VTI1A: variants seen among roughly 807,000 people sequenced by gnomAD.
The protein encoded by VTI1A is vesicle transport through interaction with t-SNAREs homolog 1A.
A neutral mutation model predicts 34.9 loss-of-function variants in VTI1A; 22 were observed. The observed-to-expected ratio is 0.63, with a 90% CI of 0.45 to 0.90. The LOEUF is 0.90. Among genes scored for constraint, VTI1A ranks in the 40% least tolerant of loss-of-function variants. VTI1A has a pLI of 0.00. For missense variants in VTI1A, 268 were observed against 275.6 expected, an observed-to-expected ratio of 0.97 and a Z score of 0.20; for synonymous variants, 87 against 97.3, an observed-to-expected ratio of 0.89 and a Z score of 0.62.
intron 5 of VTI1A, among the ~76,000 whole-genome samples, chr10:112,626,282 G>A (rs972080692): frequency 2.0e-5 from 3 of 152,040 alleles, no homozygotes; most frequent in African/African-American, 7.2e-5. Flanking sequence ...TATGAATTTT[G>A]GGGCAACTGC....
intron 5 of VTI1A, among the ~76,000 whole-genome samples, chr10:112,569,036 T>A (rs1246632560): frequency 6.6e-6 from 1 of 151,844 alleles, no homozygotes; most frequent in African/African-American, 2.4e-5. Flanking sequence ...GCACCTATGG[T>A]CCCAGCTACT....
chr10:112,736,365 A>G (rs1005897929), intron 7 of VTI1A, among the ~76,000 whole-genome samples: 1 of 152,068 alleles, frequency 6.6e-6, no homozygotes, highest in Non-Finnish European at 1.5e-5. Context: ...TGTCTATCTT[A>G]TTCACTAGTC....
chr10:112,672,455 A>T (rs1363217164), intron 7 of VTI1A, among the ~76,000 whole-genome samples: 1 of 152,190 alleles, frequency 6.6e-6, no homozygotes, highest in Non-Finnish European at 1.5e-5. Context: ...CTGACATGTG[A>T]TGGAGAGCCA....
chr10:112,510,082 TAGAC>T (rs1410122305), intron 3 of VTI1A, among the ~76,000 whole-genome samples: 2 of 152,198 alleles, frequency 1.3e-5, no homozygotes, highest in African/African-American at 4.8e-5. Flanking sequence ...CAGTCAAAAT[TAGAC>T]AGATCAGCAA....
chr10:112,654,977 A>G (rs1847175036), intron 5 of VTI1A, among the ~76,000 whole-genome samples: 1 of 152,186 alleles, frequency 6.6e-6, no homozygotes, highest in Non-Finnish European at 1.5e-5. Flanking sequence ...TGTGAATAAA[A>G]CTTTATTTAC....
rs1030428271 is a variant in VTI1A, at chr10:112,724,022, T to C, written c.560+55024T>C. ...TCAAGAACTTATATGAGAAACTTTT[T>C]TCCCTTTTTCTCCTACAAGCATTTA... is the stretch of plus-strand genomic sequence containing the variant. On this transcript the variant is annotated intron_variant, in intron 7 of 7. Transcript: ENST00000393077. Among the ~76,000 whole-genome samples the C allele has an allele frequency of 2.6e-5, 4 of 152,352 alleles. No individual in the cohort carries two copies. The South Asian group carries it at 8.3e-4, about 32-fold the overall frequency.
chr10:112,594,991 C>T (rs1844565262), intron 5 of VTI1A, among the ~76,000 whole-genome samples: 1 of 145,366 alleles, frequency 6.9e-6, no homozygotes, highest in African/African-American at 2.7e-5. Context: ...GAACAGAGCC[C>T]TCAGAAATAA....
chr10:112,473,007 T>A (rs1393380557), intron 3 of VTI1A, among the ~76,000 whole-genome samples: 1 of 151,962 alleles, frequency 6.6e-6, no homozygotes, highest in Non-Finnish European at 1.5e-5. Context: ...AGTAGCCCTA[T>A]TTTTGATTTT....
intron 3 of VTI1A, among the ~76,000 whole-genome samples, chr10:112,520,431 A>C (rs1849971806): frequency 6.6e-6 from 1 of 152,048 alleles, no homozygotes; most frequent in South Asian, 2.1e-4. Flanking sequence ...TTACAGGCTA[A>C]AGTTTAGAAA....
chr10:112,546,871 T>G (rs1426951994), intron 5 of VTI1A, among the ~76,000 whole-genome samples: 1 of 152,246 alleles, frequency 6.6e-6, no homozygotes, highest in Non-Finnish European at 1.5e-5. Flanking sequence ...CATTTCTGTT[T>G]GAGGGTTTCC....
At chr10:112,779,756 C>T (rs912681509) in intron 7 of VTI1A, among the ~76,000 whole-genome samples, 1 of 125,164 alleles carries the variant, frequency 8.0e-6, no homozygotes, top group African/African-American at 3.1e-5. Flanking sequence ...TTAGAATAAT[C>T]GGAAAATAGG....
At chr10:112,576,011 TTTC>T (rs148785484) in intron 5 of VTI1A, among the ~76,000 whole-genome samples, 3,049 of 144,650 alleles carry the variant, frequency 0.021, 117 homozygotes, top group African/African-American at 0.075. Flanking sequence ...TGCCTTTTCT[TTTC>T]TTTTCTTTTT....
chr10:112,757,141 C>T (rs1851310357), intron 7 of VTI1A, among the ~76,000 whole-genome samples: 1 of 151,808 alleles, frequency 6.6e-6, no homozygotes, highest in African/African-American at 2.4e-5. Flanking sequence ...ACTGTAGGTA[C>T]AAGGGTGACC....
intron 3 of VTI1A, among the ~76,000 whole-genome samples, chr10:112,470,827 A>T (rs769567968): frequency 3.3e-5 from 5 of 152,186 alleles, no homozygotes; most frequent in Non-Finnish European, 7.4e-5. Context: ...CCGAAGTTGC[A>T]GTGAGCTGAG....
At chr10:112,847,369 C>T in the VTI1A span, among the ~76,000 whole-genome samples, 1 of 152,114 alleles carries the variant, frequency 6.6e-6, no homozygotes, top group Non-Finnish European at 1.5e-5. Flanking sequence ...ACCGAATTTC[C>T]TAGGATTTGT....
chr10:112,646,802 C>A (rs1314452822), intron 5 of VTI1A, among the ~76,000 whole-genome samples: 2 of 152,128 alleles, frequency 1.3e-5, no homozygotes, highest in Non-Finnish European at 2.9e-5. Flanking sequence ...TGAGCCACCG[C>A]GCCCGGCTAC....
At chr10:112,616,570 A>G (rs901058353) in intron 5 of VTI1A, among the ~76,000 whole-genome samples, 3 of 152,200 alleles carry the variant, frequency 2.0e-5, no homozygotes, top group African/African-American at 7.2e-5. Context: ...AAAAATGACC[A>G]TAAATGAGAG....
intron 3 of VTI1A, among the ~76,000 whole-genome samples, chr10:112,477,949 C>CA: frequency 9.2e-5 from 14 of 152,044 alleles, no homozygotes; most frequent in African/African-American, 2.9e-4. Flanking sequence ...TAAAGTAAAG[C>CA]TTAGGAGAAA....
intron 7 of VTI1A, among the ~76,000 whole-genome samples, chr10:112,814,314 G>T (rs746517615): frequency 1.2e-4 from 19 of 152,132 alleles, no homozygotes; most frequent in South Asian, 2.1e-4. Flanking sequence ...TTTGCCGTGG[G>T]GTTTTAAGCT....
Sources: allele counts gnomAD v4.1 joint callset (sites outside exome capture counted in the v4.1 genomes callset), GRCh38; gene constraint gnomAD v4.1.1; transcripts MANE v1.5; gene names NCBI Gene and HGNC (gene_info 2026-07-23, HGNC 2026-07-21).